Variants in PATL2 observed in about 807,000 individuals in gnomAD.
PATL2 encodes the protein PAT1 homolog 2, also known as protein PAT1 homolog 2.
A neutral mutation model predicts 77.0 loss-of-function variants in PATL2; 73 were observed. The ratio of observed to expected loss-of-function variants is 0.95; its 90% CI spans 0.78 to 1.15. The LOEUF (loss-of-function observed/expected upper bound fraction) is 1.15. Among genes scored for constraint, PATL2 ranks in the 50% most tolerant of loss-of-function variants. The pLI, the probability that PATL2 is intolerant of heterozygous loss-of-function variation, is 0.00. For missense variants in PATL2, 618 were observed against 655.4 expected (o/e 0.94, Z 0.62); for synonymous variants, 265 against 257.1 (o/e 1.03, Z -0.29).
chr15:44,671,348 G>A (rs1257147467), intron 9 of PATL2, among the ~76,000 whole-genome samples: 2 of 152,176 alleles, frequency 1.3e-5, no homozygotes, highest in African/African-American at 2.4e-5. Context: ...AATTAGCTGC[G>A]TATGGTGGTG....
At chr15:44,702,672 G>A (rs2468081) in intron 3 of PATL2, among the ~76,000 whole-genome samples, 1 of 151,748 alleles carries the variant, frequency 6.6e-6, no homozygotes, top group African/African-American at 2.4e-5. Flanking sequence ...GTATCCCATA[G>A]GTTTTGGTAT....
At chr15:44,671,846 T>C (rs1228530876) in intron 9 of PATL2, among the ~76,000 whole-genome samples, 169 bp downstream of exon 9, 2 of 151,880 alleles carry the variant, frequency 1.3e-5, no homozygotes, top group African/African-American at 4.8e-5. Context: ...TAGAGAGAAA[T>C]GAGTTTGGGA....
chr15:44,676,833 C>G lies in PATL2; in HGVS notation c.-75-268G>C, dbSNP rs988454598. The G allele has an allele frequency of 2.7e-6, 3 of 1,125,206 alleles. No individual in the cohort carries two copies. In the African/African-American group the frequency reaches 4.9e-5, roughly 18 times the overall value. 69.7% of individuals were successfully genotyped at this position (1,125,206 alleles called of 1,614,324 possible). ...CCAACCGACATCACCAGTCACCGTC[C>G]GAGTGTGGTGATGCCTTGCTGCCGA... On this transcript the variant is annotated intron_variant, in intron 3 of 17. Transcript: ENST00000682850.
chr15:44,666,015 G>A, intron 17 of PATL2, 44 bp from the exon 18 acceptor site: 3 of 1,468,272 alleles, frequency 2.0e-6, no homozygotes, highest in Non-Finnish European at 2.8e-6. Context: ...ATTCTACTTT[G>A]CAAGTATTTA....
chr15:44,706,850 TC>T (rs1000223941), intron 3 of PATL2, among the ~76,000 whole-genome samples: 55 of 152,298 alleles, frequency 3.6e-4, no homozygotes, highest in South Asian at 2.3e-3. Context: ...GTGGCAAGTT[TC>T]CCCCAGCCTG....
At chr15:44,668,186 TTAA>T in intron 15 of PATL2, among the ~76,000 whole-genome samples, 153 bp downstream of exon 15, 1 of 152,132 alleles carries the variant, frequency 6.6e-6, no homozygotes, top group Non-Finnish European at 1.5e-5. Context: ...GGAGCTGGGT[TTAA>T]TAAGCTTCCA....
In PATL2 at chr15:44,672,230, G is replaced by A. The variant is rs538365861; in HGVS notation, c.516-74C>T. On this transcript the variant is annotated intron_variant, in intron 8 of 17. Transcript: ENST00000682850. ...TCCTAAGGAGTGTGGTGAGCAGGAA[G>A]TGGGGCTCTCTGGGAAGGATGGAGC... The A allele has an allele frequency of 5.8e-6, 9 of 1,548,918 alleles. No homozygotes were observed. In the South Asian group the frequency reaches 6.0e-5, roughly 10 times the overall value.
At chr15:44,678,586 C>A (rs578255384) in intron 3 of PATL2, among the ~76,000 whole-genome samples, 1 of 152,268 alleles carries the variant, frequency 6.6e-6, no homozygotes, top group South Asian at 2.1e-4. Flanking sequence ...AAAGCAGATG[C>A]TTCCCACAGC....
In PATL2 at chr15:44,684,496, G is replaced by A. The variant is rs184365066; in HGVS notation, c.-75-7931C>T. Among the ~76,000 whole-genome samples, 107 of 151,488 alleles carry A rather than the reference G, an allele frequency of 7.1e-4. 1 individual carries two copies. Among genetic ancestry groups the A allele is most frequent in the African/African-American group, 2.2e-3 (90 of 41,320 alleles). On this transcript the variant is annotated intron_variant, in intron 3 of 17. Transcript: ENST00000682850. ...TTGATCAAGCAGAAGAAGGAATACC[G>A]GCGATTGAAGATCAGCTTAATGAAA...
At position 44,670,010 on chromosome 15, in the gene PATL2, C is replaced by T; in HGVS notation, c.735G>A (p.Lys245=). The T allele has an allele frequency of 2.6e-6, 4 of 1,550,368 alleles. No homozygotes were observed. The highest frequency in any genetic ancestry group is 3.5e-6 in the Non-Finnish European group (4 of 1,146,438). ...CCTTCGGAATGTAAGGCGTTACCAG[C>T]TTGAGGGACTCAACCCGGTTTCTTC... The part of the protein sequence containing the change: ...LGRRNRVESL[K]LVTPYIPKAE... The change falls in exon 10 of 18, where the codon AAG becomes AAA. Residue 245 remains lysine (K), a synonymous_variant. Transcript: ENST00000682850.
intron 3 of PATL2, among the ~76,000 whole-genome samples, chr15:44,694,826 G>A (rs762752931): frequency 3.9e-5 from 6 of 152,224 alleles, no homozygotes; most frequent in Non-Finnish European, 8.8e-5. Context: ...ACTCCAAATG[G>A]TGCTGCAGAC....
At position 44,679,552 on chromosome 15, in the gene PATL2, C is replaced by CTTT. The variant is rs545161525; in HGVS notation, c.-75-2990_-75-2988dup. ...CAATTTTTTTTTTCTTTTTCTTTTTCTTTTTTTTTTTTTTTTTTTTAGTAG... is the reference window on the plus strand; with the variant it reads ...CAATTTTTTTTTTCTTTTTCTTTTTCTTTTTTTTTTTTTTTTTTTTTTTAGTAG... On this transcript the variant is annotated intron_variant, in intron 3 of 17. Transcript: ENST00000682850. Among the ~76,000 whole-genome samples, 34 of 114,334 alleles carry CTTT rather than the reference C, an allele frequency of 3.0e-4. No individual in the cohort carries two copies. In the East Asian group the frequency reaches 3.4e-3, roughly 12 times the overall value. The allele number at this position is 114,334 out of a possible 152,430, so 75.0% of individuals were successfully genotyped here. A position where few individuals can be genotyped will look rare whatever the true frequency, so the allele number is the denominator to read the frequency against.
At position 44,667,092 on chromosome 15, in the gene PATL2, C is replaced by T; in HGVS notation, c.1463+14G>A. ...GGGTACTAGATAGTATTTACAAGGC[C>T]TTTATGATCTTACCAAGCTGTATGG... is the stretch of plus-strand genomic sequence containing the variant. On this transcript the variant is annotated intron_variant, in intron 16 of 17. Coordinates refer to ENST00000682850, the MANE Select transcript of PATL2 (RefSeq NM_001387263.1). 2.6e-6 allele frequency: 4 copies of T among 1,540,854 alleles called. No homozygotes were observed. Among genetic ancestry groups the T allele is most frequent in the Non-Finnish European group, 3.5e-6 (4 of 1,137,190 alleles).
At chr15:44,669,715 G>T in intron 11 of PATL2, 62 bp downstream of exon 11, 1 of 1,528,288 alleles carries the variant, frequency 6.5e-7, no homozygotes, top group East Asian at 2.5e-5. Flanking sequence ...TTAAACACAA[G>T]AATGTTCTAG....
In PATL2 at chr15:44,677,261, T is replaced by A. The variant is rs115048312; in HGVS notation, c.-75-696A>T. 7.8e-3 allele frequency among the ~76,000 whole-genome samples: 1,194 copies of A among 152,134 alleles called. 16 individuals carry two copies. Among genetic ancestry groups the A allele is most frequent in the African/African-American group, 0.025 (1,048 of 41,480 alleles). On this transcript the variant is annotated intron_variant, in intron 3 of 17. Coordinates refer to ENST00000682850, the MANE Select transcript of PATL2 (RefSeq NM_001387263.1). ...AGTCCTGGGTAGATCCTGGGGAGGA[T>A]GCCTAGCAACCACATTCCTGGCGCT...
At chr15:44,678,672 A>T (rs992272308) in intron 3 of PATL2, among the ~76,000 whole-genome samples, 3 of 152,172 alleles carry the variant, frequency 2.0e-5, no homozygotes, top group African/African-American at 4.8e-5. Context: ...AAAAGACATT[A>T]GAGTGGCTCA....
intron 3 of PATL2, among the ~76,000 whole-genome samples, chr15:44,687,727 G>A (rs1044910167): frequency 1.3e-5 from 2 of 152,156 alleles, no homozygotes; most frequent in African/African-American, 2.4e-5. Flanking sequence ...CAAAATCAAT[G>A]TGCAAAAATC....
intron 3 of PATL2, among the ~76,000 whole-genome samples, chr15:44,690,902 TCTTTA>T (rs1476179555): frequency 2.0e-5 from 3 of 152,134 alleles, no homozygotes; most frequent in African/African-American, 7.2e-5. Flanking sequence ...CTTTGAAAAT[TCTTTA>T]CTTTAGTTAA....
At position 44,665,843 on chromosome 15, in the gene PATL2, T is replaced by C; in HGVS notation, c.*110A>G. On this transcript the variant is annotated 3_prime_UTR_variant, in exon 18 of 18. Coordinates refer to ENST00000682850, the MANE Select transcript of PATL2 (RefSeq NM_001387263.1). ...AAATGGGGAAGGGTTCTCCAATATA[T>C]AAAGGCATAAGAAATGTCTTCAGAC... The C allele has an allele frequency of 1.3e-6, 2 of 1,544,832 alleles. No homozygotes were observed. Among genetic ancestry groups the C allele is most frequent in the South Asian group, 1.2e-5 (1 of 83,104 alleles).
Sources: allele counts gnomAD v4.1 joint callset (sites outside exome capture counted in the v4.1 genomes callset), GRCh38; gene constraint gnomAD v4.1.1; transcripts MANE v1.5; gene names NCBI Gene and HGNC (gene_info 2026-07-23, HGNC 2026-07-21).